RAP1B: variants seen among roughly 807,000 people sequenced by gnomAD.
RAP1B encodes ras-related protein Rap-1b.
RAP1B carries 1 observed loss-of-function variant against 27.5 expected under a neutral mutation model. The ratio of observed to expected loss-of-function variants is 0.04; its 90% confidence interval spans 0.01 to 0.17. The LOEUF (loss-of-function observed/expected upper bound fraction) is 0.17, where lower values mean the gene tolerates loss of function less well. Ranked by LOEUF, RAP1B falls within the 10% of genes least tolerant of loss-of-function variation. The probability of loss-of-function intolerance (pLI) is 1.00; values close to 1 mark genes in which losing one functional copy is unlikely to be tolerated. For missense variants in RAP1B, 84 were observed against 214.8 expected, an observed-to-expected ratio of 0.39 and a Z score of 3.81; for synonymous variants, 75 against 73.1, an observed-to-expected ratio of 1.03 and a Z score of -0.13.
At chr12:68,643,908 C>G (rs1873205684) in intron 1 of RAP1B, among the ~76,000 whole-genome samples, 1 of 151,996 alleles carries the variant, frequency 6.6e-6, no homozygotes, top group African/African-American at 2.4e-5. Flanking sequence ...AATTCCCTAT[C>G]CCCCCACCTT....
At chr12:68,626,852 G>A in intron 1 of RAP1B, 5 of 1,567,260 alleles carry the variant, frequency 3.2e-6, no homozygotes, top group Non-Finnish European at 4.3e-6. Context: ...TTAAGAGGGG[G>A]CAGCACAGTG....
chr12:68,619,495 A>G (rs1284665346), intron 1 of RAP1B, among the ~76,000 whole-genome samples: 4 of 152,238 alleles, frequency 2.6e-5, no homozygotes, highest in Non-Finnish European at 2.9e-5. Flanking sequence ...AGCTAGACCA[A>G]TGGATTTTAA....
intron 1 of RAP1B, among the ~76,000 whole-genome samples, chr12:68,613,222 T>G (rs942908017): frequency 6.6e-6 from 1 of 151,584 alleles, no homozygotes; most frequent in Non-Finnish European, 1.5e-5. Context: ...TAGCCGGGTG[T>G]AGTGGCACGC....
rs570558158 is a variant in RAP1B at position 68,663,891 on chromosome 12, C to T, written c.*4642C>T. 5.3e-5 allele frequency: 8 copies of T among 152,304 alleles called. No homozygotes were observed. In the East Asian group the frequency reaches 5.8e-4, roughly 11 times the overall value. The allele number at this position is 152,304 out of a possible 1,614,324, so 9.4% of individuals were successfully genotyped here. On this transcript the variant is annotated 3_prime_UTR_variant, in exon 8 of 8. Coordinates refer to ENST00000250559, the MANE Select transcript of RAP1B (RefSeq NM_001010942.3). Reference sequence around the variant, plus strand: ...GCTCTATTGGTAACAGTCTGTTAAACTTTCTAAGAGCTTTCCAACTTTCTA... The same window carrying T: ...GCTCTATTGGTAACAGTCTGTTAAATTTTCTAAGAGCTTTCCAACTTTCTA...
chr12:68,647,438 C>T (rs1213966658), intron 1 of RAP1B, among the ~76,000 whole-genome samples: 2 of 133,586 alleles, frequency 1.5e-5, no homozygotes, highest in African/African-American at 5.6e-5. Flanking sequence ...CCAGGCTGGT[C>T]TTGAGCTCCT....
intron 1 of RAP1B, among the ~76,000 whole-genome samples, chr12:68,646,030 T>A (rs748955864): frequency 3.9e-5 from 6 of 152,076 alleles, no homozygotes; most frequent in Non-Finnish European, 5.9e-5. Flanking sequence ...TAGCAACAAA[T>A]AATAATGCTC....
At position 68,666,678 on chromosome 12, in the gene RAP1B, T is replaced by A. The variant is rs1050666203; in HGVS notation, c.*7429T>A. 6.6e-6 allele frequency: 1 copy of A among 152,214 alleles called. No homozygotes were observed. Among genetic ancestry groups the A allele is most frequent in the Non-Finnish European group, 1.5e-5 (1 of 68,032 alleles). 9.4% of individuals were successfully genotyped at this position (152,214 alleles called of 1,614,324 possible). ...CAAAGACACTTTTTTCAAATAAAGT[T>A]AACAGACAGAAGTTTGGGGGTTGGG... On this transcript the variant is annotated 3_prime_UTR_variant, in exon 8 of 8. Coordinates refer to ENST00000250559, the MANE Select transcript of RAP1B (RefSeq NM_001010942.3).
Position 68,662,033 on chromosome 12 carries a change from TTATATA to T in RAP1B, c.*2787_*2792del, listed in dbSNP as rs1442117437. ...CTATATATATATATATATATATATA[TTATATA>T]TAGTACATATATAGAGAGAGTATAT... is the stretch of plus-strand genomic sequence containing the variant. On this transcript the variant is annotated 3_prime_UTR_variant, in exon 8 of 8. Transcript: ENST00000250559. The T allele has an allele frequency of 3.8e-5, 5 of 131,970 alleles. No individual in the cohort carries two copies. The highest frequency in any genetic ancestry group is 1.1e-4 in the African/African-American group (4 of 37,790). 8.2% of individuals were successfully genotyped at this position (131,970 alleles called of 1,614,324 possible). A position where few individuals can be genotyped will look rare whatever the true frequency, so the allele number is the denominator to read the frequency against.
intron 1 of RAP1B, among the ~76,000 whole-genome samples, chr12:68,628,911 T>A (rs1457741995): frequency 6.6e-6 from 1 of 152,246 alleles, no homozygotes; most frequent in Non-Finnish European, 1.5e-5. Flanking sequence ...AGCACTAGTC[T>A]GGATTCTAAT....
At chr12:68,648,595 AATC>A (rs1199444889) in intron 1 of RAP1B, 101 bp from the exon 2 acceptor site, 13 of 938,046 alleles carry the variant, frequency 1.4e-5, no homozygotes, top group Non-Finnish European at 2.1e-5. Flanking sequence ...GTTGTATAGT[AATC>A]ATTTTAAATA....
chr12:68,626,544 A>G (rs1871794995), intron 1 of RAP1B, among the ~76,000 whole-genome samples: 1 of 152,074 alleles, frequency 6.6e-6, no homozygotes, highest in Admixed American at 6.6e-5. Context: ...CTCATTTTTA[A>G]TCTGTGACTT....
chr12:68,621,280 A>G lies in RAP1B; in HGVS notation c.-27+10237A>G, dbSNP rs371150859. Among the ~76,000 whole-genome samples the G allele has an allele frequency of 4.3e-4, 65 of 152,324 alleles. 1 individual carries two copies. The South Asian group carries it at 0.011, about 25-fold the overall frequency. ...AATTAACTGGTCTGCTGTTCTAGCA[A>G]TTCTGAATTAGGGAACATACTGAGA... is the stretch of plus-strand genomic sequence containing the variant. On this transcript the variant is annotated intron_variant, in intron 1 of 7. Coordinates refer to ENST00000250559, the MANE Select transcript of RAP1B (RefSeq NM_001010942.3).
intron 1 of RAP1B, among the ~76,000 whole-genome samples, chr12:68,613,280 C>CT (rs1206471064): frequency 1.3e-5 from 2 of 151,396 alleles, no homozygotes; most frequent in Non-Finnish European, 2.9e-5. Context: ...GAATATGAAC[C>CT]TGGGAGGTTC....
chr12:68,626,363 G>T (rs1433192850), intron 1 of RAP1B, among the ~76,000 whole-genome samples: 1 of 152,176 alleles, frequency 6.6e-6, no homozygotes, highest in African/African-American at 2.4e-5. Flanking sequence ...TGTGAAAGTA[G>T]TTATTTTCCC....
At chr12:68,616,113 G>A (rs570416618) in intron 1 of RAP1B, among the ~76,000 whole-genome samples, 57 of 151,440 alleles carry the variant, frequency 3.8e-4, no homozygotes, top group African/African-American at 1.2e-3. Context: ...ACAGGCGCCC[G>A]CCACCACACC....
In RAP1B at chr12:68,663,027, C is replaced by T. The variant is rs1306464941; in HGVS notation, c.*3778C>T. ...ATAAATAAGTCTGTTCTATTTGTTA[C>T]AGTGCATCAACACATTTGAATTTTC... On this transcript the variant is annotated 3_prime_UTR_variant, in exon 8 of 8. Coordinates refer to ENST00000250559, the MANE Select transcript of RAP1B (RefSeq NM_001010942.3). 7.9e-5 allele frequency: 12 copies of T among 151,744 alleles called. No individual in the cohort carries two copies. The highest frequency in any genetic ancestry group is 7.9e-4 in the Admixed American group (12 of 15,218). 9.4% of individuals were successfully genotyped at this position (151,744 alleles called of 1,614,324 possible).
At chr12:68,637,467 C>A (rs1293311499) in intron 1 of RAP1B, among the ~76,000 whole-genome samples, 1 of 151,728 alleles carries the variant, frequency 6.6e-6, no homozygotes, top group Non-Finnish European at 1.5e-5. Flanking sequence ...TGTGGTGGCA[C>A]GCACCTGTAA....
intron 1 of RAP1B, among the ~76,000 whole-genome samples, chr12:68,641,588 A>G (rs1238328004): frequency 6.6e-6 from 1 of 152,230 alleles, no homozygotes; most frequent in Non-Finnish European, 1.5e-5. Flanking sequence ...GCCAAGTGTA[A>G]AAGCTGTCAG....
intron 4 of RAP1B, among the ~76,000 whole-genome samples, chr12:68,653,586 G>A (rs1420877513): frequency 1.3e-5 from 2 of 152,098 alleles, no homozygotes; most frequent in African/African-American, 2.4e-5. Flanking sequence ...TTCCACTTGA[G>A]TATATTTTTT....
Sources: allele counts gnomAD v4.1 joint callset (sites outside exome capture counted in the v4.1 genomes callset), GRCh38; gene constraint gnomAD v4.1.1; transcripts MANE v1.5; gene names NCBI Gene and HGNC (gene_info 2026-07-23, HGNC 2026-07-21).